Variants in WDFY4 observed in about 807,000 individuals in gnomAD.
The protein encoded by WDFY4 is WD repeat- and FYVE domain-containing protein 4.
A neutral mutation model predicts 351.9 loss-of-function variants in WDFY4; 169 were observed. That is an observed-to-expected ratio of 0.48 (90% CI 0.42 to 0.55). The LOEUF (loss-of-function observed/expected upper bound fraction) is 0.55, where lower values mean the gene tolerates loss of function less well. WDFY4 is among the 20% of genes least tolerant of loss of function. The probability of loss-of-function intolerance (pLI) is 0.00; values close to 1 mark genes in which losing one functional copy is unlikely to be tolerated. For synonymous variants in WDFY4, 1,622 were observed against 1,574.6 expected, an observed-to-expected ratio of 1.03 and a Z score of -0.71; for missense variants, 3,803 against 3,935.6, an observed-to-expected ratio of 0.97 and a Z score of 0.90.
chr10:48,913,902 A>G, intron 47 of WDFY4: 1 of 1,614,106 alleles, frequency 6.2e-7, no homozygotes, highest in Non-Finnish European at 8.5e-7. Context: ...CAGCTTGTCT[A>G]TGTAGTTGCT....
At chr10:48,855,206 G>A (rs1051622322) in intron 39 of WDFY4, among the ~76,000 whole-genome samples, 4 of 151,990 alleles carry the variant, frequency 2.6e-5, no homozygotes, top group Non-Finnish European at 5.9e-5. Flanking sequence ...TATACATAGG[G>A]AAAAAGTGGA....
chr10:48,962,460 G>T (rs1841902370), intron 53 of WDFY4, among the ~76,000 whole-genome samples: 1 of 152,158 alleles, frequency 6.6e-6, no homozygotes, highest in Non-Finnish European at 1.5e-5. Context: ...CCTGAAGCTA[G>T]GTTCTATTCA....
In WDFY4 at chr10:48,712,213, G is replaced by C. The variant is rs193067498; in HGVS notation, c.234+2247G>C. Among the ~76,000 whole-genome samples, 3 of 152,330 alleles carry C rather than the reference G, an allele frequency of 2.0e-5. No homozygotes were observed. In the East Asian group the frequency reaches 5.8e-4, roughly 29 times the overall value. ...GTTGAGCAAGTTACCAACTATTGCT[G>C]AACCTCAGTTATCCATAAAGTAGAA... On this transcript the variant is annotated intron_variant, in intron 2 of 61. Coordinates refer to ENST00000325239, the MANE Select transcript of WDFY4 (RefSeq NM_001394531.1).
chr10:48,851,609 C>T (rs1464094945), intron 39 of WDFY4, among the ~76,000 whole-genome samples: 1 of 152,244 alleles, frequency 6.6e-6, no homozygotes, highest in African/African-American at 2.4e-5. Flanking sequence ...CTGCTGCCTT[C>T]AGATATCAGC....
intron 1 of WDFY4, among the ~76,000 whole-genome samples, chr10:48,696,405 C>T (rs2063331378): frequency 6.6e-6 from 1 of 152,250 alleles, no homozygotes; most frequent in African/African-American, 2.4e-5. Context: ...GTGGCATTCC[C>T]CCAACACAGG....
At chr10:48,778,900 T>C in intron 18 of WDFY4, 68 bp downstream of exon 18, 1 of 1,505,496 alleles carries the variant, frequency 6.6e-7, no homozygotes, top group Non-Finnish European at 8.9e-7. Context: ...TCAGAAGCTC[T>C]CAACACAGGT....
intron 12 of WDFY4, among the ~76,000 whole-genome samples, chr10:48,759,171 G>A (rs139972386): frequency 3.9e-5 from 6 of 152,218 alleles, no homozygotes; most frequent in Non-Finnish European, 8.8e-5. Context: ...TTTGATGTGC[G>A]CTCACTTGCT....
intron 39 of WDFY4, among the ~76,000 whole-genome samples, chr10:48,853,151 T>A (rs1349135698): frequency 6.6e-6 from 1 of 152,114 alleles, no homozygotes; most frequent in Admixed American, 6.5e-5. Context: ...TTTGCTGGTA[T>A]TCTCCAGTTT....
At chr10:48,732,099 C>G in intron 9 of WDFY4, among the ~76,000 whole-genome samples, 1 of 152,194 alleles carries the variant, frequency 6.6e-6, no homozygotes, top group South Asian at 2.1e-4. Context: ...TACTTGGCCC[C>G]TGCACCCTGG....
intron 45 of WDFY4, among the ~76,000 whole-genome samples, chr10:48,899,597 C>T (rs1008272279): frequency 3.3e-5 from 5 of 152,060 alleles, no homozygotes; most frequent in Non-Finnish European, 7.4e-5. Context: ...ATAGGTAACT[C>T]ACTCTATCTC....
At position 48,891,810 on chromosome 10, in the gene WDFY4, A is replaced by G. The variant is rs114545469; in HGVS notation, c.7316+1083A>G. Among the ~76,000 whole-genome samples the G allele has an allele frequency of 4.9e-3, 739 of 152,338 alleles. 12 individuals carry two copies. Among genetic ancestry groups the G allele is most frequent in the African/African-American group, 0.017 (710 of 41,574 alleles). On this transcript the variant is annotated intron_variant, in intron 44 of 61. Transcript: ENST00000325239. ...CTGCTGACTGAGGAGTCCAAGTCTT[A>G]TCTGCCAATAACCAAGAACTTTAAC...
chr10:48,873,073 A>G (rs1341429137), intron 40 of WDFY4, among the ~76,000 whole-genome samples: 1 of 151,842 alleles, frequency 6.6e-6, no homozygotes, highest in Non-Finnish European at 1.5e-5. Context: ...TTCCCACTCC[A>G]CTCTAGTTCA....
Position 48,785,636 on chromosome 10 carries a change from G to A in WDFY4, c.3577-1003G>A, listed in dbSNP as rs146474618. Reference sequence around the variant, plus strand: ...GCTTTTGCATCTTTGTCAAAAATCAGGTGAGCATTCTTATATAAGCTTATT... The same window carrying A: ...GCTTTTGCATCTTTGTCAAAAATCAAGTGAGCATTCTTATATAAGCTTATT... On this transcript the variant is annotated intron_variant, in intron 19 of 61. Coordinates refer to ENST00000325239, the MANE Select transcript of WDFY4 (RefSeq NM_001394531.1). Among the ~76,000 whole-genome samples, 1,512 of 152,266 alleles carry A rather than the reference G, an allele frequency of 9.9e-3. 15 individuals are homozygous for A. Among genetic ancestry groups the A allele is most frequent in the Non-Finnish European group, 0.016 (1,066 of 68,010 alleles).
intron 23 of WDFY4, among the ~76,000 whole-genome samples, chr10:48,792,343 G>A (rs1044846174): frequency 3.3e-5 from 5 of 152,110 alleles, no homozygotes; most frequent in African/African-American, 9.7e-5. Flanking sequence ...AATTGCTCTC[G>A]CACCCACACT....
rs763678426 is a variant in WDFY4 at position 48,789,915 on chromosome 10, G to C, written c.3996G>C (p.Leu1332Phe). Residue 1332 changes from leucine (L) to phenylalanine (F), a missense_variant, in exon 22 of 62, where the codon TTG (leucine) becomes TTC (phenylalanine). Leu to Phe is a conservative substitution (Grantham distance 22). Around this residue, in one of 3 missense-constraint regions of WDFY4, gnomAD observed 3,054 missense variants for 3,148.6 expected, o/e 0.97. Transcript: ENST00000325239. ...GTGACAATGCCATGCCCGTGTTCTT[G>C]CTGAGGAATTGTGCTGGCCACCTGT... is the stretch of plus-strand genomic sequence containing the variant. Reference protein sequence around the residue: ...SSRDNAMPVFLLRNCAGHLSG... With the variant: ...SSRDNAMPVFFLRNCAGHLSG... 3.2e-6 allele frequency: 5 copies of C among 1,552,292 alleles called. No individual in the cohort carries two copies. The highest frequency in any genetic ancestry group is 4.4e-6 in the Non-Finnish European group (5 of 1,147,160).
intron 1 of WDFY4, among the ~76,000 whole-genome samples, chr10:48,694,442 T>C (rs543151258): frequency 7.8e-4 from 119 of 152,244 alleles, no homozygotes; most frequent in African/African-American, 2.7e-3. Flanking sequence ...CCCCTGCTTC[T>C]GTGACACCTC....
chr10:48,776,761 G>A lies in WDFY4; in HGVS notation c.2875G>A (p.Ala959Thr), dbSNP rs1182254503. Residue 959 changes from alanine (A) to threonine (T), a missense_variant, in exon 16 of 62, where the codon GCA becomes ACA. Ala to Thr is a moderately conservative substitution (Grantham distance 58). Transcript: ENST00000325239. ...GCTTGCTGCCCTAGGGTCACAGACT[G>A]CACAGGGCTTGGCTGAGGGGCCCTG... ...GNPGCSGSQT[A>T]QGLAEGPWPA... 1.3e-6 allele frequency: 2 copies of A among 1,547,392 alleles called. No homozygotes were observed. Among genetic ancestry groups the A allele is most frequent in the East Asian group, 2.4e-5 (1 of 40,886 alleles).
chr10:48,851,080 T>C (rs192570624), intron 39 of WDFY4, among the ~76,000 whole-genome samples: 64 of 152,344 alleles, frequency 4.2e-4, no homozygotes, highest in African/African-American at 1.1e-3. Flanking sequence ...ATACCAGGGC[T>C]GCTGTGAATG....
At chr10:48,737,312 C>T (rs904095548) in intron 11 of WDFY4, among the ~76,000 whole-genome samples, 1 of 151,940 alleles carries the variant, frequency 6.6e-6, no homozygotes, top group Non-Finnish European at 1.5e-5. Context: ...GCCTGGCCAA[C>T]ACGCTCATGT....
Sources: gnomAD v4.1 joint callset for allele counts (sites outside exome capture counted in the v4.1 genomes callset) on GRCh38, gnomAD v4.1.1 for gene constraint, gnomAD v4.1.1 regional missense constraint, MANE v1.5 for transcripts, NCBI Gene and HGNC (gene_info 2026-07-23, HGNC 2026-07-21) for gene names.